TAFA1: variants seen among roughly 807,000 people sequenced by gnomAD.
TAFA1 encodes chemokine-like protein TAFA-1.
In TAFA1, 4 loss-of-function variants were observed where a neutral mutation model predicts 18.5. That is an observed-to-expected ratio of 0.22 (90% CI 0.11 to 0.49). The LOEUF is 0.49. Among genes scored for constraint, TAFA1 ranks in the 20% least tolerant of loss-of-function variants. TAFA1 has a pLI of 0.98. For synonymous variants in TAFA1, 56 were observed against 55.2 expected, an observed-to-expected ratio of 1.01 and a Z score of -0.06; for missense variants, 147 against 169.0, an observed-to-expected ratio of 0.87 and a Z score of 0.72.
In TAFA1 at chr3:68,185,901, CAAAT is replaced by C. The variant is rs1425058387; in HGVS notation, c.118+179161_118+179164del. ...CCTGGGTAACAGTGAGAACCTGTCTCAAATAAAATAAATAAATAAATAAATAAAT... is the reference window on the plus strand; with the variant it reads ...CCTGGGTAACAGTGAGAACCTGTCTCAAAATAAATAAATAAATAAATAAAT... On this transcript the variant is annotated intron_variant, in intron 2 of 4. Transcript: ENST00000478136. 2.7e-5 allele frequency among the ~76,000 whole-genome samples: 3 copies of C among 110,362 alleles called. No individual in the cohort carries two copies. In the Admixed American group the frequency reaches 3.3e-4, roughly 12 times the overall value. The allele number at this position is 110,362 out of a possible 152,430, so 72.4% of individuals were successfully genotyped here. A position where few individuals can be genotyped will look rare whatever the true frequency, so the allele number is the denominator to read the frequency against.
chr3:68,290,136 G>A (rs1191011120), intron 2 of TAFA1, among the ~76,000 whole-genome samples: 2 of 152,108 alleles, frequency 1.3e-5, no homozygotes, highest in African/African-American at 2.4e-5. Flanking sequence ...ATAATTTACT[G>A]TATATATTAC....
intron 2 of TAFA1, among the ~76,000 whole-genome samples, chr3:68,150,357 A>G (rs1471373688): frequency 1.3e-5 from 2 of 152,244 alleles, no homozygotes; most frequent in African/African-American, 4.8e-5. Context: ...CCTGGTGATT[A>G]TCCTTGAAGA....
intron 3 of TAFA1, 52 bp from the exon 4 acceptor site, chr3:68,538,704 T>G (rs962245558): frequency 3.7e-6 from 6 of 1,600,078 alleles, no homozygotes; most frequent in Non-Finnish European, 5.1e-6. Context: ...AACGTCAGTG[T>G]TCAGGTTGTT....
intron 2 of TAFA1, among the ~76,000 whole-genome samples, chr3:68,409,578 G>A (rs1432027568): frequency 6.6e-6 from 1 of 152,140 alleles, no homozygotes; most frequent in Non-Finnish European, 1.5e-5. Context: ...AAGTCATGCA[G>A]AACTGTGAGT....
intron 3 of TAFA1, among the ~76,000 whole-genome samples, chr3:68,433,941 C>G (rs777639110): frequency 6.6e-6 from 1 of 152,096 alleles, no homozygotes; most frequent in Non-Finnish European, 1.5e-5. Context: ...CCCAGACTTA[C>G]ACTTGAGCAT....
chr3:68,420,973 A>T (rs1247159079), intron 3 of TAFA1, among the ~76,000 whole-genome samples: 1 of 152,164 alleles, frequency 6.6e-6, no homozygotes, highest in Non-Finnish European at 1.5e-5. Flanking sequence ...ATGGTTTCTC[A>T]TGTTCTTTGC....
At chr3:68,388,800 G>A (rs545690491) in intron 2 of TAFA1, among the ~76,000 whole-genome samples, 93 of 151,964 alleles carry the variant, frequency 6.1e-4, no homozygotes, top group African/African-American at 2.0e-3. Context: ...GGGTCAGAAG[G>A]GACCTTTTGG....
chr3:68,345,148 A>G (rs1277232300), intron 2 of TAFA1, among the ~76,000 whole-genome samples: 1 of 152,176 alleles, frequency 6.6e-6, no homozygotes, highest in Non-Finnish European at 1.5e-5. Context: ...ATCCTGGAAG[A>G]GATCACCATT....
At chr3:68,185,714 A>T (rs1358660622) in intron 2 of TAFA1, among the ~76,000 whole-genome samples, 1 of 151,976 alleles carries the variant, frequency 6.6e-6, no homozygotes, top group African/African-American at 2.4e-5. Flanking sequence ...GTTCCAGACC[A>T]GCCTGGGCAA....
At chr3:68,288,654 A>T (rs2068058431) in intron 2 of TAFA1, among the ~76,000 whole-genome samples, 1 of 152,186 alleles carries the variant, frequency 6.6e-6, no homozygotes, top group African/African-American at 2.4e-5. Context: ...TATCATACTT[A>T]AAATATTAAT....
chr3:68,275,218 G>A (rs189479675), intron 2 of TAFA1, among the ~76,000 whole-genome samples: 1 of 152,118 alleles, frequency 6.6e-6, no homozygotes, highest in Admixed American at 6.5e-5. Flanking sequence ...GACTAAAAGA[G>A]GAGGTAAGCA....
At chr3:68,089,495 A>G (rs1030709641) in intron 2 of TAFA1, among the ~76,000 whole-genome samples, 1 of 152,192 alleles carries the variant, frequency 6.6e-6, no homozygotes, top group Non-Finnish European at 1.5e-5. Context: ...AAAGACAGAA[A>G]AGAAGTTTAT....
At chr3:68,291,880 CTT>C (rs1451270813) in intron 2 of TAFA1, among the ~76,000 whole-genome samples, 1 of 152,104 alleles carries the variant, frequency 6.6e-6, no homozygotes, top group Admixed American at 6.6e-5. Flanking sequence ...TTTGTCCTGT[CTT>C]TAAAATCTAA....
intron 2 of TAFA1, among the ~76,000 whole-genome samples, chr3:68,141,506 C>G (rs2065666833): frequency 6.6e-6 from 1 of 152,210 alleles, no homozygotes; most frequent in Non-Finnish European, 1.5e-5. Context: ...TTATTGATAA[C>G]TCCTCTGCCC....
chr3:68,408,531 A>G (rs1013311900), intron 2 of TAFA1, among the ~76,000 whole-genome samples: 5 of 152,154 alleles, frequency 3.3e-5, no homozygotes, highest in Admixed American at 6.6e-5. Context: ...AAAAAGGATT[A>G]ATTTATACAT....
intron 2 of TAFA1, among the ~76,000 whole-genome samples, chr3:68,319,088 A>G (rs1257099846): frequency 6.6e-6 from 1 of 152,190 alleles, no homozygotes; most frequent in Non-Finnish European, 1.5e-5. Flanking sequence ...TTGGCATATT[A>G]AGACTATAAT....
intron 2 of TAFA1, among the ~76,000 whole-genome samples, chr3:68,260,461 T>C (rs2067392771): frequency 6.6e-6 from 1 of 152,112 alleles, no homozygotes; most frequent in African/African-American, 2.4e-5. Flanking sequence ...ATAAAATGAG[T>C]TAGGGAGGAT....
intron 2 of TAFA1, among the ~76,000 whole-genome samples, chr3:68,412,517 C>A (rs577941571): frequency 5.5e-4 from 83 of 152,144 alleles, no homozygotes; most frequent in Non-Finnish European, 9.6e-4. Context: ...CTAAGGCTAT[C>A]CCTCCCCTCA....
chr3:68,244,724 T>C (rs1299214127), intron 2 of TAFA1, among the ~76,000 whole-genome samples: 1 of 152,166 alleles, frequency 6.6e-6, no homozygotes, highest in Non-Finnish European at 1.5e-5. Context: ...CTACATGTCC[T>C]GCATAAAAAT....
Sources: gnomAD v4.1 joint callset for allele counts (sites outside exome capture counted in the v4.1 genomes callset) on GRCh38, gnomAD v4.1.1 for gene constraint, MANE v1.5 for transcripts, NCBI Gene and HGNC (gene_info 2026-07-23, HGNC 2026-07-21) for gene names.